The following NUP133 variants were observed in gnomAD, a reference collection of about 807,000 sequenced individuals.
The protein encoded by NUP133 is nucleoporin 133, also known as nuclear pore complex protein Nup133.
In NUP133, 66 loss-of-function variants were observed where a neutral mutation model predicts 146.2. That is an observed-to-expected ratio of 0.45 (90% CI 0.37 to 0.55). NUP133 has a LOEUF of 0.55. Among genes scored for constraint, NUP133 ranks in the 20% least tolerant of loss-of-function variants. The probability of loss-of-function intolerance (pLI) is 0.00; values close to 1 mark genes in which losing one functional copy is unlikely to be tolerated. For synonymous variants in NUP133, 521 were observed against 498.8 expected (o/e 1.04, Z -0.59); for missense variants, 1,277 against 1,374.8 (o/e 0.93, Z 1.12).
chr1:229,474,276 G>A (rs1012376155), intron 14 of NUP133, among the ~76,000 whole-genome samples: 4 of 152,168 alleles, frequency 2.6e-5, no homozygotes, highest in Non-Finnish European at 5.9e-5. Flanking sequence ...TTAACCCACA[G>A]AATTGTTTTA....
At chr1:229,489,050 A>C (rs1661437870) in intron 9 of NUP133, among the ~76,000 whole-genome samples, 1 of 152,204 alleles carries the variant, frequency 6.6e-6, no homozygotes, top group East Asian at 1.9e-4. Context: ...CTGAATACAA[A>C]TATAATCTTC....
At chr1:229,495,679 T>C (rs944352521) in intron 7 of NUP133, 114 bp from the exon 8 acceptor site, 5 of 895,872 alleles carry the variant, frequency 5.6e-6, no homozygotes, top group Non-Finnish European at 8.4e-6. Context: ...TGCTGAATAA[T>C]GTATACATTA....
chr1:229,449,709 T>C (rs1660398552), intron 23 of NUP133, among the ~76,000 whole-genome samples: 1 of 151,498 alleles, frequency 6.6e-6, no homozygotes, highest in Admixed American at 6.6e-5. Flanking sequence ...AATGTAAAAG[T>C]CAACATATTA....
intron 15 of NUP133, 68 bp from the exon 16 acceptor site, chr1:229,466,824 G>C (rs909721260): frequency 2.7e-6 from 4 of 1,498,016 alleles, no homozygotes. Context: ...ACTACCCAGT[G>C]AGTTTTACTC....
At chr1:229,481,400 C>A (rs564907391) in intron 12 of NUP133, among the ~76,000 whole-genome samples, 1 of 152,110 alleles carries the variant, frequency 6.6e-6, no homozygotes, top group Non-Finnish European at 1.5e-5. Context: ...AATCCAATGA[C>A]TGATGTCCTT....
Position 229,441,496 on chromosome 1 carries a change from T to G in NUP133, c.*408A>C, listed in dbSNP as rs1323975028. On this transcript the variant is annotated 3_prime_UTR_variant, in exon 26 of 26. Transcript: ENST00000261396. The stretch of plus-strand genomic sequence containing the variant: ...TGAAACAGATATCAAACACCCTAGA[T>G]TCTCTTCAGTGCAAAGTATCTGGAG... The G allele has an allele frequency of 1.1e-5, 6 of 527,056 alleles. No homozygotes were observed. Among genetic ancestry groups the G allele is most frequent in the Non-Finnish European group, 2.3e-5 (6 of 257,170 alleles). 32.6% of individuals were successfully genotyped at this position (527,056 alleles called of 1,614,324 possible). A position where few individuals can be genotyped will look rare whatever the true frequency, so the allele number is the denominator to read the frequency against.
At chr1:229,446,299 C>T (rs924339475) in intron 24 of NUP133, among the ~76,000 whole-genome samples, 1 of 151,630 alleles carries the variant, frequency 6.6e-6, no homozygotes, top group African/African-American at 2.4e-5. Flanking sequence ...ATCCCAGCTA[C>T]TTGGGAGACT....
chr1:229,443,906 T>C (rs1474112448), intron 25 of NUP133, among the ~76,000 whole-genome samples: 1 of 138,892 alleles, frequency 7.2e-6, no homozygotes, highest in East Asian at 2.0e-4. Flanking sequence ...TTTTTTTTTT[T>C]TTTTTTTTTT....
At position 229,499,715 on chromosome 1, in the gene NUP133, T is replaced by C. The variant is rs533239445; in HGVS notation, c.617A>G (p.Asp206Gly). The part of the protein sequence containing the change: ...YTEAFVDSGG[D>G]KTYSFLTAVQ... ...TGCTGTTAGGAAACTGTAAGTCTTA[T>C]CACCTCCCGAATCTACAAAAGCCTC... Residue 206 changes from aspartate to glycine, a missense_variant, in exon 5 of 26, where the codon GAT becomes GGT. Physicochemically the swap from Asp to Gly is moderately conservative, Grantham distance 94 (BLOSUM62 -1). Transcript: ENST00000261396. The C allele has an allele frequency of 1.9e-6, 3 of 1,614,126 alleles. No homozygotes were observed. The highest frequency in any genetic ancestry group is 1.1e-5 in the South Asian group (1 of 91,088).
chr1:229,466,396 T>G (rs538121527), intron 16 of NUP133, among the ~76,000 whole-genome samples: 1 of 152,340 alleles, frequency 6.6e-6, no homozygotes, highest in African/African-American at 2.4e-5. Context: ...AAAGGTTTAT[T>G]ATTCTACCAA....
At chr1:229,479,967 G>A (rs1661170636) in intron 12 of NUP133, among the ~76,000 whole-genome samples, 1 of 152,174 alleles carries the variant, frequency 6.6e-6, no homozygotes, top group East Asian at 1.9e-4. Flanking sequence ...ATTAATTGCT[G>A]ATGAGAAGGA....
chr1:229,498,346 G>A (rs769547165), intron 5 of NUP133, 40 bp from the exon 6 acceptor site: 7 of 1,378,420 alleles, frequency 5.1e-6, no homozygotes, highest in South Asian at 3.1e-5. Flanking sequence ...GTTTAGCATC[G>A]AATGCTAAGA....
Position 229,487,610 on chromosome 1 carries a change from C to T in NUP133, c.1198G>A (p.Glu400Lys). ...VTQYNPPFQSEDLILCQLTVP... is the reference protein window; with the variant it reads ...VTQYNPPFQSKDLILCQLTVP... ...GTCAACTGACACAAAATCAGGTCTTCAGACTGAAAGTTAAATTTAAGATTA... is the reference window on the plus strand; with the variant it reads ...GTCAACTGACACAAAATCAGGTCTTTAGACTGAAAGTTAAATTTAAGATTA... The change falls in exon 10 of 26, where the codon GAA becomes AAA. Residue 400 changes from glutamate (E) to lysine (K), a missense_variant. Glu to Lys is a moderately conservative substitution (Grantham distance 56, BLOSUM62 1). Around this residue, in one of 3 missense-constraint regions of NUP133, gnomAD observed 952 missense variants for 1,047.0 expected, o/e 0.91. Coordinates refer to ENST00000261396, the MANE Select transcript of NUP133 (RefSeq NM_018230.3). 1 of 1,593,854 alleles carries T rather than the reference C, an allele frequency of 6.3e-7. No homozygotes were observed. The highest frequency in any genetic ancestry group is 8.5e-7 in the Non-Finnish European group (1 of 1,174,334).
At chr1:229,480,332 T>C (rs928545858) in intron 12 of NUP133, among the ~76,000 whole-genome samples, 9 of 152,128 alleles carry the variant, frequency 5.9e-5, no homozygotes, top group African/African-American at 1.9e-4. Context: ...AGAAAAACTC[T>C]TGAAAGCGTG....
chr1:229,463,680 T>A lies in NUP133; in HGVS notation c.2552-4A>T, dbSNP rs1386869366. 1 of 1,589,148 alleles carries A rather than the reference T, an allele frequency of 6.3e-7. No individual in the cohort carries two copies. Among genetic ancestry groups the A allele is most frequent in the Non-Finnish European group, 8.5e-7 (1 of 1,173,116 alleles). ...CACAGGTACTGGCCTAGTGAAACTG[T>A]GGGAATGAGAAAAGATGGGAAAAAA... On this transcript the variant is annotated splice_region_variant and splice_polypyrimidine_tract_variant and intron_variant, in intron 18 of 25. Transcript: ENST00000261396.
At position 229,440,633 on chromosome 1, in the gene NUP133, A is replaced by T. The variant is rs1660163516; in HGVS notation, c.*1271T>A. On this transcript the variant is annotated 3_prime_UTR_variant, in exon 26 of 26. Coordinates refer to ENST00000261396, the MANE Select transcript of NUP133 (RefSeq NM_018230.3). ...AAAGCAAAGCCTCATCTTACGATAC[A>T]AGTACTCAGCGGTTTCTTACTGGCC... The T allele has an allele frequency of 6.6e-6, 1 of 152,300 alleles. No homozygotes were observed. Among genetic ancestry groups the T allele is most frequent in the South Asian group, 2.1e-4 (1 of 4,836 alleles). 9.4% of individuals were successfully genotyped at this position (152,300 alleles called of 1,614,324 possible). A position where few individuals can be genotyped will look rare whatever the true frequency, so the allele number is the denominator to read the frequency against.
At chr1:229,480,748 G>A (rs148264133) in intron 12 of NUP133, among the ~76,000 whole-genome samples, 393 of 152,234 alleles carry the variant, frequency 2.6e-3, no homozygotes, top group African/African-American at 8.9e-3. Flanking sequence ...GTGCGGTGAC[G>A]GGATCTCGGC....
chr1:229,474,994 AC>A (rs1047142960), intron 14 of NUP133, among the ~76,000 whole-genome samples: 1 of 152,026 alleles, frequency 6.6e-6, no homozygotes, highest in Non-Finnish European at 1.5e-5. Flanking sequence ...AGTCCCAGCT[AC>A]CCAGGAGGCT....
intron 13 of NUP133, among the ~76,000 whole-genome samples, chr1:229,476,932 AAAAAAAAAC>A (rs1417580952): frequency 6.6e-6 from 1 of 151,042 alleles, no homozygotes; most frequent in African/African-American, 2.5e-5. Flanking sequence ...TGTTTCCAAA[AAAAAAAAAC>A]AAAAAAAAAA....
Sources: allele counts gnomAD v4.1 joint callset (sites outside exome capture counted in the v4.1 genomes callset), GRCh38; gene constraint gnomAD v4.1.1; regional missense constraint gnomAD v4.1.1; transcripts MANE v1.5; gene names NCBI Gene and HGNC (gene_info 2026-07-23, HGNC 2026-07-21).